NUBP2: variants seen among roughly 807,000 people sequenced by gnomAD.
NUBP2 encodes the protein cytosolic Fe-S cluster assembly factor NUBP2.
In NUBP2, 23 loss-of-function variants were observed where a neutral mutation model predicts 24.9. The observed-to-expected ratio is 0.92, with a 90% CI of 0.66 to 1.31. The LOEUF is 1.31. Ranked by LOEUF, NUBP2 falls within the 50% of genes most tolerant of loss-of-function variation. The pLI is 0.00. For synonymous variants in NUBP2, 186 were observed against 170.9 expected (o/e 1.09, Z -0.69); for missense variants, 403 against 386.5 (o/e 1.04, Z -0.36).
Position 1,788,621 on chromosome 16 carries a change from C to G in NUBP2, c.723C>G (p.Asp241Glu), listed in dbSNP as rs1488265157. 6.2e-7 allele frequency: 1 copy of G among 1,611,198 alleles called. No homozygotes were observed. The highest frequency in any genetic ancestry group is 2.2e-5 in the East Asian group (1 of 44,828). ...ALMRTLEEGH[D>E]FIQEFPGSPA... Reference sequence around the variant, plus strand: ...TGAGGACCCTGGAGGAGGGCCACGACTTCATCCAGGAGTTCCCTGGGAGCC... The same window carrying G: ...TGAGGACCCTGGAGGAGGGCCACGAGTTCATCCAGGAGTTCCCTGGGAGCC... Residue 241 changes from aspartate (D) to glutamate (E), a missense_variant, in exon 7 of 7, where the codon GAC becomes GAG. Asp to Glu is a conservative substitution (Grantham distance 45). Transcript: ENST00000262302.
intron 1 of NUBP2, 196 bp from the exon 2 acceptor site, chr16:1,786,341 C>T: frequency 1.6e-6 from 1 of 606,478 alleles, no homozygotes; most frequent in Non-Finnish European, 2.9e-6. Context: ...TAGAGGGTCC[C>T]CCCGGGTCTG....
In NUBP2 at chr16:1,783,039, G is replaced by C; in HGVS notation, c.16+3G>C. 7.4e-7 allele frequency: 1 copy of C among 1,359,474 alleles called. No homozygotes were observed. The highest frequency in any genetic ancestry group is 1.5e-5 in the African/African-American group (1 of 66,070). 84.2% of individuals were successfully genotyped at this position (1,359,474 alleles called of 1,614,324 possible). On this transcript the variant is annotated splice_donor_region_variant and intron_variant, in intron 1 of 6. Transcript: ENST00000262302. ...CGGCGGGATGGAGGCGGCGGCCGGT[G>C]AGTGGCGGGCCAGGGTGCGGAGCCG...
chr16:1,786,275 G>T lies in NUBP2; in HGVS notation c.17-262G>T, dbSNP rs547512382. The T allele has an allele frequency of 1.3e-5, 7 of 520,424 alleles. No individual in the cohort carries two copies. In the Admixed American group the frequency reaches 1.7e-4, roughly 12 times the overall value. The allele number at this position is 520,424 out of a possible 1,614,324, so 32.2% of individuals were successfully genotyped here. On this transcript the variant is annotated intron_variant, in intron 1 of 6. Transcript: ENST00000262302. ...CCTTCCACACAGCGAGAGGAGTTGG[G>T]CAGTTTCCACTCTCAGCAGCGCCGC... is the stretch of plus-strand genomic sequence containing the variant.
Position 1,787,759 on chromosome 16 carries a change from T to G in NUBP2, c.417T>G (p.Asp139Glu), listed in dbSNP as rs1356594823. 1 of 1,612,608 alleles carries G rather than the reference T, an allele frequency of 6.2e-7. No individual in the cohort carries two copies. Among genetic ancestry groups the G allele is most frequent in the Non-Finnish European group, 8.5e-7 (1 of 1,179,926 alleles). The change falls in exon 4 of 7, where the codon GAT becomes GAG. Residue 139 changes from aspartate (D) to glutamate (E), a missense_variant. Asp to Glu is a conservative substitution (Grantham distance 45, BLOSUM62 2). Coordinates refer to ENST00000262302, the MANE Select transcript of NUBP2 (RefSeq NM_012225.4). ...LVVDTPPGTS[D>E]EHMATIEALR... ...TGGACACGCCCCCGGGGACCTCCGA[T>G]GAGCACATGGCCACCATAGAAGCCC...
rs111757879 is a variant in NUBP2 at position 1,788,944 on chromosome 16, G to T, written c.*230G>T. ...CGTGCTCTGCAGCTGTGAGACGGGG[G>T]CGGCCTGGGCTCTCTTCCCATCCAT... is the stretch of plus-strand genomic sequence containing the variant. On this transcript the variant is annotated 3_prime_UTR_variant, in exon 7 of 7. Coordinates refer to ENST00000262302, the MANE Select transcript of NUBP2 (RefSeq NM_012225.4). 872 of 537,664 alleles carry T rather than the reference G, an allele frequency of 1.6e-3. 5 individuals are homozygous for T. The highest frequency in any genetic ancestry group is 0.015 in the African/African-American group (793 of 51,900). 33.3% of individuals were successfully genotyped at this position (537,664 alleles called of 1,614,324 possible).
intron 3 of NUBP2, 161 bp from the exon 4 acceptor site, chr16:1,787,516 C>A: frequency 1.1e-6 from 1 of 925,412 alleles, no homozygotes; most frequent in Non-Finnish European, 1.7e-6. Context: ...TGCACTCCTG[C>A]AGCGGGCCAG....
intron 1 of NUBP2, chr16:1,783,654 A>G (rs1238555684): frequency 7.4e-6 from 2 of 270,434 alleles, no homozygotes; most frequent in African/African-American, 2.3e-5. Flanking sequence ...TCGGACAGCA[A>G]GGTCTTGCAG....
Position 1,786,870 on chromosome 16 carries a change from G to C in NUBP2, c.249G>C (p.Arg83=). Reference sequence around the variant, plus strand: ...GCTGGGCACCCGTCTTCCTGGACCGGGAGCAGAGCATCTCGCTCATGTCTG... The same window carrying C: ...GCTGGGCACCCGTCTTCCTGGACCGCGAGCAGAGCATCTCGCTCATGTCTG... ...DRGWAPVFLD[R]EQSISLMSVG... is the part of the protein sequence containing the mutation. The change falls in exon 3 of 7, where the codon CGG becomes CGC. Residue 83 remains arginine, a synonymous_variant. Transcript: ENST00000262302. 1 of 1,587,974 alleles carries C rather than the reference G, an allele frequency of 6.3e-7. No homozygotes were observed. Among genetic ancestry groups the C allele is most frequent in the Non-Finnish European group, 8.6e-7 (1 of 1,162,310 alleles).
Position 1,786,885 on chromosome 16 carries a change from G to T in NUBP2, c.264G>T (p.Ser88=). Residue 88 remains serine (S), a synonymous_variant, in exon 3 of 7, where the codon TCG becomes TCT. Coordinates refer to ENST00000262302, the MANE Select transcript of NUBP2 (RefSeq NM_012225.4). ...TCCTGGACCGGGAGCAGAGCATCTC[G>T]CTCATGTCTGTGGGCTTCCTGCTGG... ...PVFLDREQSI[S]LMSVGFLLEK... is the part of the protein sequence containing the mutation. 3.8e-6 allele frequency: 6 copies of T among 1,572,376 alleles called. No homozygotes were observed. The highest frequency in any genetic ancestry group is 5.2e-6 in the Non-Finnish European group (6 of 1,153,110).
chr16:1,786,474 C>G, intron 1 of NUBP2, 63 bp from the exon 2 acceptor site: 2 of 1,415,434 alleles, frequency 1.4e-6, no homozygotes, highest in Non-Finnish European at 1.9e-6. Context: ...AGTGGGTGAC[C>G]CCGCGTGTGT....
rs1567235324 is a variant in NUBP2, at chr16:1,786,522, CG to C, written c.17-14del. 12 of 1,579,516 alleles carry C rather than the reference CG, an allele frequency of 7.6e-6. No individual in the cohort carries two copies. The highest frequency in any genetic ancestry group is 1.0e-5 in the Non-Finnish European group (12 of 1,158,152). On this transcript the variant is annotated splice_polypyrimidine_tract_variant and intron_variant, in intron 1 of 6. Coordinates refer to ENST00000262302, the MANE Select transcript of NUBP2 (RefSeq NM_012225.4). ...CACCAGGAGCCCTGACCTTCTCTGT[CG>C]TGTTTCCGCCCAGAGCCTGGAAACC...
intron 1 of NUBP2, chr16:1,785,674 T>C: frequency 7.8e-7 from 1 of 1,288,986 alleles, no homozygotes; most frequent in Admixed American, 2.3e-5. Flanking sequence ...CCGCGTCCCC[T>C]GGAGGAGACC....
At chr16:1,788,102 G>T (rs779164446) in intron 5 of NUBP2, 36 bp from the exon 6 acceptor site, 1 of 1,555,240 alleles carries the variant, frequency 6.4e-7, no homozygotes, top group Admixed American at 2.1e-5. Flanking sequence ...GCCGGTGGGG[G>T]CTTTGGGCAG....
chr16:1,785,580 C>T (rs1896921964), intron 1 of NUBP2: 4 of 1,247,288 alleles, frequency 3.2e-6, no homozygotes, highest in South Asian at 2.7e-5. Context: ...AAGTCAGAAC[C>T]CCTTTTATTG....
At chr16:1,785,767 C>T (rs1427868411) in intron 1 of NUBP2, 1 of 1,289,130 alleles carries the variant, frequency 7.8e-7, no homozygotes, top group Admixed American at 2.3e-5. Context: ...TTTGAACGTG[C>T]CCTTGAGAGG....
chr16:1,785,242 CTG>C (rs1896907098), intron 1 of NUBP2: 1 of 1,021,788 alleles, frequency 9.8e-7, no homozygotes, highest in Non-Finnish European at 1.2e-6. Context: ...CTCATGCTGA[CTG>C]TGCTTTGCTG....
chr16:1,789,015 G>A lies in NUBP2; in HGVS notation c.*301G>A, dbSNP rs1042009649. The A allele has an allele frequency of 5.0e-5, 20 of 399,134 alleles. No homozygotes were observed. Among genetic ancestry groups the A allele is most frequent in the Non-Finnish European group, 7.2e-5 (16 of 220,882 alleles). 24.7% of individuals were successfully genotyped at this position (399,134 alleles called of 1,614,324 possible). On this transcript the variant is annotated 3_prime_UTR_variant, in exon 7 of 7. Coordinates refer to ENST00000262302, the MANE Select transcript of NUBP2 (RefSeq NM_012225.4). ...GCAGCCGCGTGTCCACACAGTTAGCGGAGCGCGGGACTTCTGCAGTCCTCA... is the reference window on the plus strand; with the variant it reads ...GCAGCCGCGTGTCCACACAGTTAGCAGAGCGCGGGACTTCTGCAGTCCTCA...
intron 1 of NUBP2, chr16:1,786,323 C>A: frequency 1.7e-6 from 1 of 579,066 alleles, no homozygotes; most frequent in Non-Finnish European, 3.1e-6. Context: ...CAGGGAGTGC[C>A]GTGGTCTTAG....
intron 1 of NUBP2, among the ~76,000 whole-genome samples, chr16:1,784,296 A>AGAGT (rs1398423752): frequency 6.6e-6 from 1 of 151,768 alleles, no homozygotes; most frequent in Non-Finnish European, 1.5e-5. Flanking sequence ...TACGTTATTG[A>AGAGT]GAGTGGTGCG....
Sources: allele counts gnomAD v4.1 joint callset (sites outside exome capture counted in the v4.1 genomes callset), GRCh38; gene constraint gnomAD v4.1.1; transcripts MANE v1.5; gene names NCBI Gene and HGNC (gene_info 2026-07-23, HGNC 2026-07-21).